Variants in CSDC2 observed in about 807,000 individuals in gnomAD.
CSDC2 encodes the protein cold shock domain-containing protein C2.
In CSDC2, 8 loss-of-function variants were observed where a neutral mutation model predicts 15.8. The observed-to-expected ratio is 0.51, with a 90% CI of 0.30 to 0.92. The LOEUF (loss-of-function observed/expected upper bound fraction) is 0.92, where lower values mean the gene tolerates loss of function less well. CSDC2 is among the 40% of genes least tolerant of loss of function. CSDC2 has a pLI of 0.07. For missense variants in CSDC2, 195 were observed against 213.3 expected (o/e 0.91, Z 0.53); for synonymous variants, 96 against 92.3 (o/e 1.04, Z -0.23).
chr22:41,566,441 TAAAAAAAAAAA>T (rs754976750), intron 1 of CSDC2, among the ~76,000 whole-genome samples: 8 of 45,804 alleles, frequency 1.7e-4, no homozygotes, highest in Non-Finnish European at 2.8e-4. Flanking sequence ...AGACTCCATC[TAAAAAAAAAAA>T]AAAAAAAAAA....
At chr22:41,567,311 G>A (rs1194194610) in intron 1 of CSDC2, among the ~76,000 whole-genome samples, 3 of 152,206 alleles carry the variant, frequency 2.0e-5, no homozygotes, top group African/African-American at 4.8e-5. Context: ...CCTGCTGTGT[G>A]ACTTTGGGCA....
chr22:41,574,904 G>C lies in CSDC2; in HGVS notation c.*9G>C. On this transcript the variant is annotated 3_prime_UTR_variant, in exon 4 of 4. Transcript: ENST00000306149. ...AGGTCGTGGGCTCCTAGGCTGAGTG[G>C]TTCACAGGCCAGCTGGCCGGGGGTT... 4.4e-6 allele frequency: 7 copies of C among 1,579,204 alleles called. No individual in the cohort carries two copies. The highest frequency in any genetic ancestry group is 6.0e-6 in the Non-Finnish European group (7 of 1,163,040).
intron 1 of CSDC2, among the ~76,000 whole-genome samples, chr22:41,566,733 A>G (rs1002351703): frequency 6.6e-6 from 1 of 151,142 alleles, no homozygotes; most frequent in Non-Finnish European, 1.5e-5. Context: ...AGGTCAGGAG[A>G]TCGAGACCAC....
At chr22:41,570,587 C>T (rs754100992) in intron 1 of CSDC2, among the ~76,000 whole-genome samples, 21 of 151,870 alleles carry the variant, frequency 1.4e-4, no homozygotes, top group Non-Finnish European at 2.5e-4. Flanking sequence ...TTTGGGAGGC[C>T]GAGGGAGGTA....
At chr22:41,567,605 A>T (rs1488021830) in intron 1 of CSDC2, among the ~76,000 whole-genome samples, 1 of 152,204 alleles carries the variant, frequency 6.6e-6, no homozygotes, top group Non-Finnish European at 1.5e-5. Context: ...CTCCAAGCCC[A>T]CGCCCTGGCA....
rs2067165742 is a variant in CSDC2, at chr22:41,574,640, G to A, written c.300-93G>A. On this transcript the variant is annotated intron_variant, in intron 3 of 3. Transcript: ENST00000306149. ...TGGCCAGGCCTCCTGGCCTAGGGAG[G>A]CTTAGGGCCAGGCTGCCCCCAAGGC... The A allele has an allele frequency of 2.7e-6, 4 of 1,472,532 alleles. No homozygotes were observed. In the South Asian group the frequency reaches 5.2e-5, roughly 19 times the overall value. The allele number at this position is 1,472,532 out of a possible 1,614,324, so 91.2% of individuals were successfully genotyped here.
intron 1 of CSDC2, among the ~76,000 whole-genome samples, chr22:41,567,675 G>A (rs2067123288): frequency 6.6e-6 from 1 of 152,244 alleles, no homozygotes; most frequent in Admixed American, 6.5e-5. Context: ...GCAATACAGA[G>A]CCTGGACACA....
chr22:41,565,670 T>C (rs906433084), intron 1 of CSDC2, among the ~76,000 whole-genome samples: 13 of 152,164 alleles, frequency 8.5e-5, no homozygotes, highest in Non-Finnish European at 1.5e-5. Context: ...GAGCTGAGAA[T>C]TGGAGCAGAG....
At chr22:41,563,856 G>A (rs1330192022) in intron 1 of CSDC2, among the ~76,000 whole-genome samples, 11 of 151,780 alleles carry the variant, frequency 7.2e-5, no homozygotes, top group African/African-American at 2.4e-4. Flanking sequence ...CGGATCACGA[G>A]GTCGGGAGAT....
chr22:41,565,912 C>T (rs12483860), intron 1 of CSDC2, among the ~76,000 whole-genome samples: 39,580 of 152,088 alleles, frequency 0.26, 5,979 homozygotes, highest in Admixed American at 0.44. Context: ...GATGCACACT[C>T]GCCGGGGGGC....
At position 41,575,019 on chromosome 22, in the gene CSDC2, C is replaced by A; in HGVS notation, c.*124C>A. On this transcript the variant is annotated 3_prime_UTR_variant, in exon 4 of 4. Transcript: ENST00000306149. Reference sequence around the variant, plus strand: ...CCTTCGGTGGCCTCAGTGTGCACGTCTGTCTGTCCGTCTGTGCTTGTGGCT... The same window carrying A: ...CCTTCGGTGGCCTCAGTGTGCACGTATGTCTGTCCGTCTGTGCTTGTGGCT... The A allele has an allele frequency of 8.8e-7, 1 of 1,142,038 alleles. No individual in the cohort carries two copies. Among genetic ancestry groups the A allele is most frequent in the South Asian group, 1.5e-5 (1 of 66,160 alleles). The allele number at this position is 1,142,038 out of a possible 1,614,324, so 70.7% of individuals were successfully genotyped here.
intron 1 of CSDC2, among the ~76,000 whole-genome samples, chr22:41,567,607 G>A (rs2067122963): frequency 6.6e-6 from 1 of 152,196 alleles, no homozygotes; most frequent in South Asian, 2.1e-4. Context: ...CCAAGCCCAC[G>A]CCCTGGCAGG....
Position 41,574,903 on chromosome 22 carries a change from G to C in CSDC2, c.*8G>C, listed in dbSNP as rs1481172536. The C allele has an allele frequency of 1.9e-6, 3 of 1,580,166 alleles. No homozygotes were observed. Among genetic ancestry groups the C allele is most frequent in the Non-Finnish European group, 2.6e-6 (3 of 1,163,624 alleles). On this transcript the variant is annotated 3_prime_UTR_variant, in exon 4 of 4. Coordinates refer to ENST00000306149, the MANE Select transcript of CSDC2 (RefSeq NM_014460.4). Reference sequence around the variant, plus strand: ...CAGGTCGTGGGCTCCTAGGCTGAGTGGTTCACAGGCCAGCTGGCCGGGGGT... The same window carrying C: ...CAGGTCGTGGGCTCCTAGGCTGAGTCGTTCACAGGCCAGCTGGCCGGGGGT...
chr22:41,572,217 C>G, intron 2 of CSDC2, 76 bp downstream of exon 2: 1 of 1,197,368 alleles, frequency 8.4e-7, no homozygotes, highest in Non-Finnish European at 1.1e-6. Flanking sequence ...TCTTCCAACT[C>G]CTGTTGTCCT....
chr22:41,566,829 A>G (rs544179528), intron 1 of CSDC2, among the ~76,000 whole-genome samples: 1 of 150,870 alleles, frequency 6.6e-6, no homozygotes, highest in Non-Finnish European at 1.5e-5. Context: ...CGGGAGGCTG[A>G]GGCAGGAGAA....
At chr22:41,568,953 C>T (rs551449149) in intron 1 of CSDC2, among the ~76,000 whole-genome samples, 1 of 152,242 alleles carries the variant, frequency 6.6e-6, no homozygotes, top group African/African-American at 2.4e-5. Flanking sequence ...CCAGCTCAGC[C>T]GCGTCTCCCT....
chr22:41,564,266 A>G (rs368386038), intron 1 of CSDC2, among the ~76,000 whole-genome samples: 90 of 150,380 alleles, frequency 6.0e-4, no homozygotes, highest in African/African-American at 2.2e-3. Context: ...TTTTAAAATT[A>G]TTATTGTTTT....
At chr22:41,574,155 G>T (rs1250561827) in intron 3 of CSDC2, among the ~76,000 whole-genome samples, 1 of 152,214 alleles carries the variant, frequency 6.6e-6, no homozygotes, top group African/African-American at 2.4e-5. Context: ...CAGGAGGACC[G>T]GGGGAGGTCA....
At chr22:41,570,535 G>A (rs1030274606) in intron 1 of CSDC2, among the ~76,000 whole-genome samples, 13 of 152,188 alleles carry the variant, frequency 8.5e-5, no homozygotes, top group African/African-American at 2.9e-4. Context: ...TCTGGGGTGG[G>A]AGGGGTATAA....
Sources: allele counts gnomAD v4.1 joint callset (sites outside exome capture counted in the v4.1 genomes callset), GRCh38; gene constraint gnomAD v4.1.1; transcripts MANE v1.5; gene names NCBI Gene and HGNC (gene_info 2026-07-23, HGNC 2026-07-21).